The following SLC23A2 variants were observed in gnomAD, a reference collection of about 807,000 sequenced individuals.
SLC23A2 encodes Na(+)/L-ascorbic acid transporter 2.
In SLC23A2, 36 loss-of-function variants were observed where a neutral mutation model predicts 73.3. The observed-to-expected ratio is 0.49, with a 90% CI of 0.38 to 0.65. SLC23A2 has a LOEUF of 0.65. SLC23A2 is among the 30% of genes least tolerant of loss of function. SLC23A2 has a pLI of 0.00. For missense variants in SLC23A2, 507 were observed against 841.6 expected (o/e 0.60, Z 4.92); for synonymous variants, 343 against 327.3 (o/e 1.05, Z -0.52).
At position 4,899,820 on chromosome 20, in the gene SLC23A2, A is replaced by G. The variant is rs994250120; in HGVS notation, c.325-108T>C. The stretch of plus-strand genomic sequence containing the variant: ...TTGTCGTTAAAAAATAGCCCACATA[A>G]AGAATCTCCTTGGTTTTTCGACCAA... On this transcript the variant is annotated intron_variant, in intron 5 of 16. Coordinates refer to ENST00000338244, the MANE Select transcript of SLC23A2 (RefSeq NM_005116.6). The surrounding 1 kb of genome is among the most constrained non-coding windows in gnomAD (Gnocchi z 4.9). 5.3e-6 allele frequency: 6 copies of G among 1,133,506 alleles called. No individual in the cohort carries two copies. The highest frequency in any genetic ancestry group is 6.3e-6 in the Non-Finnish European group (5 of 791,886). 70.2% of individuals were successfully genotyped at this position (1,133,506 alleles called of 1,614,324 possible).
In SLC23A2 at chr20:4,854,516, T is replaced by C. The variant is rs947561904; in HGVS notation, c.*2456A>G. The stretch of plus-strand genomic sequence containing the variant: ...GGGCATCTAGTCAGGCTGCCCTCTT[T>C]GCTCCCCACCTCCTATTCCCTTACC... On this transcript the variant is annotated 3_prime_UTR_variant, in exon 17 of 17. Transcript: ENST00000338244. The C allele has an allele frequency of 6.6e-6, 1 of 152,266 alleles. No individual in the cohort carries two copies. Among genetic ancestry groups the C allele is most frequent in the Non-Finnish European group, 1.5e-5 (1 of 68,120 alleles). 9.4% of individuals were successfully genotyped at this position (152,266 alleles called of 1,614,324 possible).
upstream of SLC23A2, among the ~76,000 whole-genome samples, chr20:5,004,283 A>T (rs1482684488): frequency 6.6e-6 from 1 of 152,146 alleles, no homozygotes; most frequent in East Asian, 1.9e-4. Flanking sequence ...AGAAACTTCA[A>T]ACTGGTCTTT....
intron 1 of SLC23A2, among the ~76,000 whole-genome samples, chr20:4,994,033 G>C (rs1393451210): frequency 6.6e-6 from 1 of 152,214 alleles, no homozygotes; most frequent in African/African-American, 2.4e-5. Context: ...GAAGCTGCAA[G>C]TGAGCAGAGA....
chr20:4,966,045 A>G (rs1457611479), intron 2 of SLC23A2, among the ~76,000 whole-genome samples: 2 of 151,758 alleles, frequency 1.3e-5, no homozygotes, highest in Non-Finnish European at 2.9e-5. Context: ...TCCAGCTTGG[A>G]TAACAGAGGG....
At chr20:5,000,661 C>G (rs2088104293) in intron 1 of SLC23A2, among the ~76,000 whole-genome samples, 1 of 152,146 alleles carries the variant, frequency 6.6e-6, no homozygotes, top group Admixed American at 6.5e-5. Context: ...CACGCTTAAA[C>G]CCCCAGCCTG....
chr20:4,934,672 G>A (rs1193675383), intron 2 of SLC23A2, among the ~76,000 whole-genome samples: 1 of 151,658 alleles, frequency 6.6e-6, no homozygotes, highest in Non-Finnish European at 1.5e-5. Flanking sequence ...GACCAGCCTG[G>A]CCAGCACGGT....
In SLC23A2 at chr20:4,863,896, T is replaced by A. The variant is rs1179924659; in HGVS notation, c.1357-989A>T. The stretch of plus-strand genomic sequence containing the variant: ...CTCTCATAGCACCATGTAGGGCATA[T>A]CTGCTACTCCTGATCTCTGCCTCCC... On this transcript the variant is annotated intron_variant, in intron 13 of 16. Transcript: ENST00000338244. The surrounding 1 kb of genome is among the most constrained non-coding windows in gnomAD (Gnocchi z 4.8). 6.6e-6 allele frequency among the ~76,000 whole-genome samples: 1 copy of A among 152,200 alleles called. No homozygotes were observed. Among genetic ancestry groups the A allele is most frequent in the Non-Finnish European group, 1.5e-5 (1 of 68,032 alleles).
chr20:4,885,758 A>C (rs6052954), intron 7 of SLC23A2, 63 bp downstream of exon 7: 3 of 1,175,792 alleles, frequency 2.6e-6, no homozygotes, highest in Admixed American at 1.7e-5. Flanking sequence ...CAGCACGTCC[A>C]GGCCTCCCTT....
intron 1 of SLC23A2, among the ~76,000 whole-genome samples, chr20:4,980,017 G>C (rs967671012): frequency 6.6e-6 from 1 of 151,944 alleles, no homozygotes; most frequent in Non-Finnish European, 1.5e-5. Flanking sequence ...AATATAAATG[G>C]CCAAAAGAAT....
At chr20:4,933,694 A>G (rs967013998) in intron 2 of SLC23A2, among the ~76,000 whole-genome samples, 3 of 152,190 alleles carry the variant, frequency 2.0e-5, no homozygotes, top group African/African-American at 7.2e-5. Flanking sequence ...ACATACAATG[A>G]AATATGCCTA....
intron 2 of SLC23A2, among the ~76,000 whole-genome samples, chr20:4,958,333 T>C (rs1467186686): frequency 3.3e-5 from 5 of 152,218 alleles, no homozygotes; most frequent in Admixed American, 3.3e-4. Flanking sequence ...GGAATGAGTA[T>C]TCTCAGATTA....
chr20:4,965,296 G>T (rs147568166), intron 2 of SLC23A2, among the ~76,000 whole-genome samples: 1 of 151,962 alleles, frequency 6.6e-6, no homozygotes, highest in African/African-American at 2.4e-5. Flanking sequence ...CTTCATACTC[G>T]GTAAACCTAC....
At chr20:4,897,835 A>G (rs1182821754) in intron 6 of SLC23A2, among the ~76,000 whole-genome samples, 1 of 152,158 alleles carries the variant, frequency 6.6e-6, no homozygotes, top group African/African-American at 2.4e-5. Context: ...ACTGCAATAA[A>G]CACAGCTTTC....
chr20:4,926,510 C>CTTTTT (rs3055953), intron 3 of SLC23A2, among the ~76,000 whole-genome samples: 4 of 105,050 alleles, frequency 3.8e-5, no homozygotes, highest in South Asian at 3.1e-4. Context: ...ATTTTTTTTG[C>CTTTTT]TTTTTTTTTT....
chr20:4,896,283 G>C (rs545765729), intron 6 of SLC23A2, among the ~76,000 whole-genome samples: 1 of 152,166 alleles, frequency 6.6e-6, no homozygotes, highest in Non-Finnish European at 1.5e-5. Flanking sequence ...GGACCCACAC[G>C]GAAGAAGGTC....
chr20:5,000,845 CG>C (rs2088108343), intron 1 of SLC23A2, among the ~76,000 whole-genome samples: 1 of 152,190 alleles, frequency 6.6e-6, no homozygotes, highest in Admixed American at 6.5e-5. Context: ...GCCCCGGGGT[CG>C]GAGGAGCTGC....
chr20:4,927,567 C>T (rs1325456605), intron 3 of SLC23A2, among the ~76,000 whole-genome samples: 1 of 152,168 alleles, frequency 6.6e-6, no homozygotes, highest in African/African-American at 2.4e-5. Context: ...CTAGGAGCAC[C>T]GCAGTTCAAA....
At chr20:4,881,103 C>T (rs1930865702) in intron 9 of SLC23A2, among the ~76,000 whole-genome samples, 1 of 152,222 alleles carries the variant, frequency 6.6e-6, no homozygotes, top group African/African-American at 2.4e-5. Context: ...ATAGACATTT[C>T]TGGCTGAAGC....
intron 2 of SLC23A2, among the ~76,000 whole-genome samples, chr20:4,959,261 G>A (rs2087341379): frequency 6.6e-6 from 1 of 151,886 alleles, no homozygotes; most frequent in African/African-American, 2.4e-5. Context: ...TATTAAAATG[G>A]CTAGAACAAA....
Sources: gnomAD v4.1 joint callset for allele counts (sites outside exome capture counted in the v4.1 genomes callset) on GRCh38, gnomAD v4.1.1 for gene constraint, Gnocchi (gnomAD v3.1) non-coding constraint, MANE v1.5 for transcripts, NCBI Gene and HGNC (gene_info 2026-07-23, HGNC 2026-07-21) for gene names.